MYO3A: variants seen among roughly 807,000 people sequenced by gnomAD.
MYO3A encodes myosin-IIIa.
In MYO3A, 180 loss-of-function variants were observed where a neutral mutation model predicts 192.7. The ratio of observed to expected loss-of-function variants is 0.93; its 90% CI spans 0.83 to 1.06. MYO3A has a LOEUF of 1.06. Ranked by LOEUF, MYO3A falls within the 50% of genes least tolerant of loss-of-function variation. The probability of loss-of-function intolerance (pLI) is 0.00; values close to 1 mark genes in which losing one functional copy is unlikely to be tolerated. For missense variants in MYO3A, 1,896 were observed against 1,905.0 expected, an observed-to-expected ratio of 1.00 and a Z score of 0.09; for synonymous variants, 628 against 645.3, an observed-to-expected ratio of 0.97 and a Z score of 0.41.
At chr10:26,069,615 G>A (rs564996134) in intron 12 of MYO3A, among the ~76,000 whole-genome samples, 5 of 152,076 alleles carry the variant, frequency 3.3e-5, no homozygotes, top group African/African-American at 1.2e-4. Context: ...CTTGACCTAT[G>A]TTTCAGGAGA....
chr10:26,063,877 G>T (rs1348377684), intron 10 of MYO3A, among the ~76,000 whole-genome samples: 1 of 152,220 alleles, frequency 6.6e-6, no homozygotes, highest in Non-Finnish European at 1.5e-5. Context: ...AAGACAGATT[G>T]TGTAATGTTA....
chr10:26,182,941 A>G (rs148624531), intron 31 of MYO3A, among the ~76,000 whole-genome samples: 1 of 147,274 alleles, frequency 6.8e-6, no homozygotes, highest in Non-Finnish European at 1.5e-5. Context: ...CTGCTCACAT[A>G]TAAGCGAGAT....
chr10:26,072,030 G>A (rs1835236688), intron 14 of MYO3A, among the ~76,000 whole-genome samples: 1 of 114,536 alleles, frequency 8.7e-6, no homozygotes, highest in South Asian at 2.9e-4. Context: ...AAGGTGAAGG[G>A]CAAGCAAGGA....
At position 26,070,287 on chromosome 10, in the gene MYO3A, G is replaced by T. The variant is rs372294055; in HGVS notation, c.1276-31G>T. 8 of 1,607,424 alleles carry T rather than the reference G, an allele frequency of 5.0e-6. No homozygotes were observed. In the African/African-American group the frequency reaches 1.1e-4, roughly 22 times the overall value. ...AATGTCACTTAATTTTGAGGATAAG[G>T]TCTTCTCACAGTTTTCTTTTCTATG... On this transcript the variant is annotated intron_variant, in intron 13 of 34. Transcript: ENST00000642920.
chr10:26,081,189 G>T (rs558149990), intron 14 of MYO3A, among the ~76,000 whole-genome samples: 2 of 149,072 alleles, frequency 1.3e-5, no homozygotes, highest in Non-Finnish European at 1.5e-5. Flanking sequence ...TCAGGCGGGG[G>T]CAGGGCCAGG....
At chr10:26,079,679 G>A (rs759681754) in intron 14 of MYO3A, among the ~76,000 whole-genome samples, 10 of 152,114 alleles carry the variant, frequency 6.6e-5, no homozygotes, top group African/African-American at 1.2e-4. Flanking sequence ...TCAAGATTTA[G>A]AGCTCCTTTT....
At chr10:25,979,668 C>A (rs1357910857) in intron 4 of MYO3A, among the ~76,000 whole-genome samples, 1 of 152,100 alleles carries the variant, frequency 6.6e-6, no homozygotes, top group Non-Finnish European at 1.5e-5. Context: ...GCACATAATT[C>A]TTTTACCACA....
chr10:26,087,972 G>A lies in MYO3A; in HGVS notation c.1360-231G>A, dbSNP rs374220132. Among the ~76,000 whole-genome samples the A allele has an allele frequency of 4.6e-5, 7 of 152,146 alleles. No individual in the cohort carries two copies. The South Asian group carries it at 6.2e-4, about 14-fold the overall frequency. Reference sequence around the variant, plus strand: ...TAAATCAGGCACTGAACAGAACTGCGCTTGAATAGAAAAGTATAGAATATC... The same window carrying A: ...TAAATCAGGCACTGAACAGAACTGCACTTGAATAGAAAAGTATAGAATATC... On this transcript the variant is annotated intron_variant, in intron 14 of 34. Transcript: ENST00000642920.
intron 6 of MYO3A, among the ~76,000 whole-genome samples, chr10:26,006,653 C>G (rs1407182935): frequency 1.3e-5 from 2 of 152,156 alleles, no homozygotes; most frequent in African/African-American, 4.8e-5. Context: ...AATTCCTGGA[C>G]ACATACACCC....
chr10:26,005,685 A>G (rs1470464287), intron 6 of MYO3A, among the ~76,000 whole-genome samples: 1 of 152,102 alleles, frequency 6.6e-6, no homozygotes, highest in Non-Finnish European at 1.5e-5. Context: ...TTATGTGTAT[A>G]TGTGTATATA....
In MYO3A at chr10:26,113,952, A is replaced by T. The variant is rs76873315; in HGVS notation, c.1777-6724A>T. Among the ~76,000 whole-genome samples the T allele has an allele frequency of 1.1e-3, 174 of 152,330 alleles. 1 individual carries two copies. Among genetic ancestry groups the T allele is most frequent in the African/African-American group, 4.1e-3 (169 of 41,576 alleles). ...ATTGCTTTAAGTGTCTGCAGAATTG[A>T]ACCTAAGAATAGAGAACATATTAAT... On this transcript the variant is annotated intron_variant, in intron 17 of 34. Coordinates refer to ENST00000642920, the MANE Select transcript of MYO3A (RefSeq NM_017433.5).
At chr10:26,010,338 T>C (rs902545612) in intron 6 of MYO3A, among the ~76,000 whole-genome samples, 3 of 149,108 alleles carry the variant, frequency 2.0e-5, no homozygotes, top group Non-Finnish European at 4.4e-5. Context: ...TATCATTTGG[T>C]ATAAAGTACA....
At chr10:25,986,157 C>G (rs551563533) in intron 4 of MYO3A, among the ~76,000 whole-genome samples, 3 of 152,044 alleles carry the variant, frequency 2.0e-5, no homozygotes, top group African/African-American at 7.2e-5. Context: ...ATCCAGCATC[C>G]CTTTATGATT....
At chr10:26,126,546 C>T (rs1426352903) in intron 19 of MYO3A, among the ~76,000 whole-genome samples, 1 of 152,026 alleles carries the variant, frequency 6.6e-6, no homozygotes, top group Non-Finnish European at 1.5e-5. Context: ...CTATCTATAC[C>T]ATTTTCCCAT....
At chr10:25,948,845 G>A (rs576508298) in intron 2 of MYO3A, among the ~76,000 whole-genome samples, 4 of 152,076 alleles carry the variant, frequency 2.6e-5, no homozygotes, top group Admixed American at 2.0e-4. Context: ...TGCTTTATAT[G>A]GAACATGACT....
chr10:26,060,202 T>A (rs79944150), intron 10 of MYO3A, among the ~76,000 whole-genome samples: 71,075 of 150,750 alleles, frequency 0.47, 17,703 homozygotes, highest in Middle Eastern at 0.59. Context: ...GAGGTTGTGG[T>A]GAGCGAAGAT....
In MYO3A at chr10:26,212,493, T is replaced by C. The variant is rs2132259070; in HGVS notation, c.*530T>C. The C allele has an allele frequency of 6.0e-6, 1 of 167,628 alleles. No homozygotes were observed. The highest frequency in any genetic ancestry group is 1.6e-4 in the East Asian group (1 of 6,266). 10.4% of individuals were successfully genotyped at this position (167,628 alleles called of 1,614,324 possible). A position where few individuals can be genotyped will look rare whatever the true frequency, so the allele number is the denominator to read the frequency against. On this transcript the variant is annotated 3_prime_UTR_variant, in exon 35 of 35. Transcript: ENST00000642920. ...AAGCTTGCTCTTTCTCTTCCTTTGG[T>C]TATTAAGGTCACTAAATAAAGGAAG...
intron 10 of MYO3A, among the ~76,000 whole-genome samples, chr10:26,035,972 C>T (rs558526669): frequency 5.1e-4 from 78 of 151,820 alleles, no homozygotes; most frequent in African/African-American, 1.8e-3. Context: ...CTCCGGCTGT[C>T]GCCCAGGCTG....
chr10:26,156,000 G>T (rs769967955), intron 25 of MYO3A, among the ~76,000 whole-genome samples: 6 of 152,158 alleles, frequency 3.9e-5, no homozygotes, highest in African/African-American at 1.2e-4. Flanking sequence ...TTTTCATTCT[G>T]CAGAGAAGAC....
Sources: allele counts gnomAD v4.1 joint callset (sites outside exome capture counted in the v4.1 genomes callset), GRCh38; gene constraint gnomAD v4.1.1; transcripts MANE v1.5; gene names NCBI Gene and HGNC (gene_info 2026-07-23, HGNC 2026-07-21).